PRSS12: variants seen among roughly 807,000 people sequenced by gnomAD.
The protein encoded by PRSS12 is serine protease 12, also known as neurotrypsin.
PRSS12 carries 85 observed loss-of-function variants against 104.4 expected under a neutral mutation model. The observed-to-expected ratio is 0.81, with a 90% CI of 0.68 to 0.98. The LOEUF (loss-of-function observed/expected upper bound fraction) is 0.98. Among genes scored for constraint, PRSS12 ranks in the 50% least tolerant of loss-of-function variants. The pLI, the probability that PRSS12 is intolerant of heterozygous loss-of-function variation, is 0.00. For synonymous variants in PRSS12, 454 were observed against 425.2 expected, an observed-to-expected ratio of 1.07 and a Z score of -0.83; for missense variants, 1,141 against 1,139.2, an observed-to-expected ratio of 1.00 and a Z score of -0.02.
chr4:118,295,501 TAC>T (rs968447179), intron 10 of PRSS12, among the ~76,000 whole-genome samples: 1 of 152,222 alleles, frequency 6.6e-6, no homozygotes, highest in Non-Finnish European at 1.5e-5. Context: ...TCTTTGTAGT[TAC>T]ACACACTTCC....
At chr4:118,303,239 C>T (rs534108129) in intron 8 of PRSS12, 2 of 148,054 alleles carry the variant, frequency 1.4e-5, no homozygotes, top group Admixed American at 6.7e-5. Context: ...TCATGAAAAT[C>T]AAAAAACAGA....
intron 3 of PRSS12, among the ~76,000 whole-genome samples, chr4:118,334,249 C>T (rs916023020): frequency 6.6e-5 from 10 of 151,352 alleles, no homozygotes; most frequent in African/African-American, 2.4e-4. Context: ...ATCTTTGCAA[C>T]CAGAATATAA....
chr4:118,321,762 G>T (rs765628232), intron 4 of PRSS12, among the ~76,000 whole-genome samples: 1 of 152,164 alleles, frequency 6.6e-6, no homozygotes, highest in South Asian at 2.1e-4. Flanking sequence ...GTAAAGTTGG[G>T]GGAATGGTAA....
intron 4 of PRSS12, among the ~76,000 whole-genome samples, chr4:118,325,563 C>T (rs1723749644): frequency 2.0e-5 from 3 of 152,214 alleles, no homozygotes; most frequent in South Asian, 4.1e-4. Context: ...TCACACATTG[C>T]TTCAGCCAGT....
At chr4:118,343,238 AT>A (rs1306137621) in intron 1 of PRSS12, among the ~76,000 whole-genome samples, 1 of 151,966 alleles carries the variant, frequency 6.6e-6, no homozygotes, top group African/African-American at 2.4e-5. Flanking sequence ...AAAAAAAAAA[AT>A]TAAAAATTAG....
At chr4:118,343,914 T>G (rs1438938627) in intron 1 of PRSS12, among the ~76,000 whole-genome samples, 1 of 152,192 alleles carries the variant, frequency 6.6e-6, no homozygotes, top group African/African-American at 2.4e-5. Context: ...TTTTAAAATC[T>G]TTTTTTAAAA....
chr4:118,347,459 C>A (rs2126046185), intron 1 of PRSS12, among the ~76,000 whole-genome samples: 1 of 152,286 alleles, frequency 6.6e-6, no homozygotes, highest in South Asian at 2.1e-4. Flanking sequence ...AAAGTCAGAT[C>A]TCTTGACTCA....
intron 11 of PRSS12, among the ~76,000 whole-genome samples, chr4:118,283,402 C>T (rs886754430): frequency 2.0e-5 from 3 of 152,132 alleles, no homozygotes; most frequent in African/African-American, 4.8e-5. Context: ...AAATGAAAAG[C>T]GATCAAAACA....
At chr4:118,322,699 T>G (rs1316748196) in intron 4 of PRSS12, among the ~76,000 whole-genome samples, 1 of 152,162 alleles carries the variant, frequency 6.6e-6, no homozygotes, top group East Asian at 1.9e-4. Context: ...AATATGTTTA[T>G]GAAAATACTA....
chr4:118,290,210 CAAAT>C, intron 11 of PRSS12, among the ~76,000 whole-genome samples: 1 of 152,106 alleles, frequency 6.6e-6, no homozygotes, highest in East Asian at 1.9e-4. Flanking sequence ...GACATGTAAA[CAAAT>C]AAATCCAAAA....
intron 11 of PRSS12, among the ~76,000 whole-genome samples, chr4:118,290,996 T>C (rs1002881102): frequency 4.6e-5 from 7 of 152,240 alleles, no homozygotes; most frequent in Non-Finnish European, 1.0e-4. Context: ...AAAAGGCATG[T>C]AAGTACAAAC....
intron 7 of PRSS12, among the ~76,000 whole-genome samples, chr4:118,311,359 A>AGAAAT (rs1743721828): frequency 6.6e-6 from 1 of 152,168 alleles, no homozygotes. Context: ...TTCCCTTGAC[A>AGAAAT]TATAAAGTTA....
chr4:118,324,858 G>A (rs1723728027), intron 4 of PRSS12, among the ~76,000 whole-genome samples: 1 of 151,712 alleles, frequency 6.6e-6, no homozygotes, highest in Non-Finnish European at 1.5e-5. Flanking sequence ...GATTACAGGC[G>A]CCCACCACCA....
chr4:118,301,888 T>C (rs1347224038), intron 8 of PRSS12, among the ~76,000 whole-genome samples: 1 of 152,234 alleles, frequency 6.6e-6, no homozygotes, highest in Admixed American at 6.5e-5. Flanking sequence ...ATATTATTCA[T>C]ATAAATATTC....
At chr4:118,302,956 A>T (rs1404873331) in intron 8 of PRSS12, among the ~76,000 whole-genome samples, 3 of 152,216 alleles carry the variant, frequency 2.0e-5, no homozygotes, top group Non-Finnish European at 4.4e-5. Flanking sequence ...ATTTGAAGAC[A>T]ATAAAAAATT....
At chr4:118,295,340 T>C (rs901358076) in intron 10 of PRSS12, among the ~76,000 whole-genome samples, 31 of 152,248 alleles carry the variant, frequency 2.0e-4, no homozygotes, top group African/African-American at 7.2e-4. Flanking sequence ...TTATATTTCA[T>C]GATTTAAAGT....
intron 8 of PRSS12, among the ~76,000 whole-genome samples, chr4:118,304,321 T>A (rs1743481036): frequency 1.3e-5 from 2 of 151,924 alleles, no homozygotes. Flanking sequence ...CAAAGAAGTA[T>A]TTTTTGTTCA....
chr4:118,282,264 A>AT (rs1374280050), intron 12 of PRSS12, 21 bp from the exon 13 acceptor site: 6 of 1,613,924 alleles, frequency 3.7e-6, no homozygotes, highest in Non-Finnish European at 5.1e-6. Context: ...CAAACATCTG[A>AT]TTAGTGGCAT....
chr4:118,331,551 C>T (rs767940831), intron 4 of PRSS12, among the ~76,000 whole-genome samples, 165 bp downstream of exon 4: 6 of 152,152 alleles, frequency 3.9e-5, no homozygotes, highest in African/African-American at 1.2e-4. Context: ...ACAGAGTACA[C>T]GTTAACTGCT....
Sources: allele counts gnomAD v4.1 joint callset (sites outside exome capture counted in the v4.1 genomes callset), GRCh38; gene constraint gnomAD v4.1.1; transcripts MANE v1.5; gene names NCBI Gene and HGNC (gene_info 2026-07-23, HGNC 2026-07-21).